CALN1: variants seen among roughly 807,000 people sequenced by gnomAD.
CALN1 encodes the protein calneuron 1, also known as calcium-binding protein 8.
Under a neutral mutation model 30.6 loss-of-function variants are expected in CALN1, and 17 were observed. The ratio of observed to expected loss-of-function variants is 0.56; its 90% CI spans 0.38 to 0.83. The LOEUF (loss-of-function observed/expected upper bound fraction) is 0.83. Among genes scored for constraint, CALN1 ranks in the 40% least tolerant of loss-of-function variants. The pLI is 0.00. For synonymous variants in CALN1, 156 were observed against 131.4 expected, an observed-to-expected ratio of 1.19 and a Z score of -1.28; for missense variants, 291 against 354.9, an observed-to-expected ratio of 0.82 and a Z score of 1.45.
chr7:72,393,880 G>C (rs1259434981), intron 2 of CALN1, among the ~76,000 whole-genome samples: 1 of 151,976 alleles, frequency 6.6e-6, no homozygotes, highest in South Asian at 2.1e-4. Flanking sequence ...ATCCTGAGTA[G>C]CTAGGATTAC....
At chr7:72,223,204 T>A (rs1793432501) in intron 3 of CALN1, among the ~76,000 whole-genome samples, 1 of 151,916 alleles carries the variant, frequency 6.6e-6, no homozygotes, top group Non-Finnish European at 1.5e-5. Flanking sequence ...AGAAGAGGGG[T>A]TCCCATTCTT....
Position 72,071,353 on chromosome 7 carries a change from C to T in CALN1, c.388+34798G>A, listed in dbSNP as rs1409831746. On this transcript the variant is annotated intron_variant, in intron 4 of 6. Coordinates refer to ENST00000395275, the MANE Select transcript of CALN1 (RefSeq NM_031468.4). ...CCCATTGTATAAGCTCCACCCCACCCCCAACCCTGCCCTGCAGCTGAAATG... is the reference window on the plus strand; with the variant it reads ...CCCATTGTATAAGCTCCACCCCACCTCCAACCCTGCCCTGCAGCTGAAATG... 2.6e-5 allele frequency among the ~76,000 whole-genome samples: 4 copies of T among 152,166 alleles called. No individual in the cohort carries two copies. The East Asian group carries it at 5.8e-4, about 22-fold the overall frequency.
intron 2 of CALN1, among the ~76,000 whole-genome samples, chr7:72,378,749 G>A (rs929075275): frequency 3.3e-5 from 5 of 150,792 alleles, no homozygotes; most frequent in East Asian, 1.9e-4. Flanking sequence ...TGTATTTTTA[G>A]TAGAGACGAA....
At chr7:72,331,299 G>A (rs1158268997) in intron 2 of CALN1, among the ~76,000 whole-genome samples, 13 of 151,870 alleles carry the variant, frequency 8.6e-5, no homozygotes, top group Non-Finnish European at 1.3e-4. Context: ...GCAGTGAGCC[G>A]AGATCACGCC....
At chr7:71,939,950 T>G (rs182546130) in intron 5 of CALN1, among the ~76,000 whole-genome samples, 13 of 152,324 alleles carry the variant, frequency 8.5e-5, no homozygotes, top group Non-Finnish European at 1.8e-4. Flanking sequence ...AGGATACGCC[T>G]TACAAACAAC....
At chr7:72,060,116 G>A (rs1410966319) in intron 4 of CALN1, among the ~76,000 whole-genome samples, 4 of 152,104 alleles carry the variant, frequency 2.6e-5, no homozygotes, top group Non-Finnish European at 4.4e-5. Flanking sequence ...TTGGCTTGAG[G>A]GGTAGGAAAA....
chr7:72,322,856 C>T (rs1800983056), intron 2 of CALN1, among the ~76,000 whole-genome samples: 2 of 151,330 alleles, frequency 1.3e-5, no homozygotes, highest in Admixed American at 1.3e-4. Flanking sequence ...ATGGATATAC[C>T]CCACTTACCC....
intron 2 of CALN1, among the ~76,000 whole-genome samples, chr7:72,356,428 T>C (rs1239889391): frequency 2.6e-5 from 4 of 151,964 alleles, no homozygotes; most frequent in African/African-American, 9.7e-5. Context: ...TCTAAGGTCC[T>C]TGCAACTTTA....
At chr7:71,920,330 CTTTTTTTT>C (rs71092931) in intron 5 of CALN1, among the ~76,000 whole-genome samples, 5 of 98,740 alleles carry the variant, frequency 5.1e-5, no homozygotes, top group South Asian at 6.9e-4. Flanking sequence ...CAAATTAGTT[CTTTTTTTT>C]TTTTTTTTTT....
intron 2 of CALN1, among the ~76,000 whole-genome samples, chr7:72,337,385 G>C (rs1802137083): frequency 6.7e-6 from 1 of 150,146 alleles, no homozygotes; most frequent in South Asian, 2.1e-4. Context: ...AGCGCAACCT[G>C]AGGAACGCCT....
chr7:72,226,812 G>T (rs966170601), intron 3 of CALN1, among the ~76,000 whole-genome samples: 1 of 152,168 alleles, frequency 6.6e-6, no homozygotes, highest in African/African-American at 2.4e-5. Flanking sequence ...GGAGGCCAAG[G>T]TGAGCAGATG....
At chr7:72,091,564 T>A (rs1024875432) in intron 4 of CALN1, among the ~76,000 whole-genome samples, 7 of 152,120 alleles carry the variant, frequency 4.6e-5, no homozygotes, top group Admixed American at 1.3e-4. Context: ...ACTAGAAAAA[T>A]TAATTCCCTA....
At chr7:72,287,783 T>C (rs1312855069) in intron 2 of CALN1, among the ~76,000 whole-genome samples, 1 of 152,108 alleles carries the variant, frequency 6.6e-6, no homozygotes, top group Non-Finnish European at 1.5e-5. Flanking sequence ...TTCCATTGTA[T>C]ATAAATTACA....
At chr7:72,305,633 A>C (rs1799595813) in intron 2 of CALN1, among the ~76,000 whole-genome samples, 2 of 152,204 alleles carry the variant, frequency 1.3e-5, no homozygotes, top group Admixed American at 1.3e-4. Context: ...ACGGGAAATA[A>C]CTGCACACTG....
intron 3 of CALN1, among the ~76,000 whole-genome samples, chr7:72,214,758 C>T (rs1293460292): frequency 6.6e-6 from 1 of 151,964 alleles, no homozygotes; most frequent in African/African-American, 2.4e-5. Flanking sequence ...ACAGCCACTC[C>T]CCGCCGCTCG....
chr7:71,805,280 G>A (rs1562794570), intron 6 of CALN1, among the ~76,000 whole-genome samples: 1 of 152,158 alleles, frequency 6.6e-6, no homozygotes, highest in Non-Finnish European at 1.5e-5. Context: ...TCTAATGAGA[G>A]CAGCAGGAAA....
chr7:72,110,035 C>T (rs1016627264), intron 3 of CALN1, among the ~76,000 whole-genome samples: 1 of 152,208 alleles, frequency 6.6e-6, no homozygotes, highest in African/African-American at 2.4e-5. Flanking sequence ...GCTCTTAGTT[C>T]TCCGGAAGGC....
At chr7:72,448,088 ACAC>A (rs1347369856), upstream of CALN1, among the ~76,000 whole-genome samples, 1 of 152,100 alleles carries the variant, frequency 6.6e-6, no homozygotes, top group East Asian at 1.9e-4. Flanking sequence ...TACCACACAC[ACAC>A]ACCTACCCAG....
intron 5 of CALN1, among the ~76,000 whole-genome samples, chr7:72,017,656 G>A (rs997175899): frequency 2.6e-5 from 4 of 152,158 alleles, no homozygotes; most frequent in South Asian, 2.1e-4. Context: ...CTTTAGCCCC[G>A]GACTCATTCC....
Sources: allele counts gnomAD v4.1 joint callset (sites outside exome capture counted in the v4.1 genomes callset), GRCh38; gene constraint gnomAD v4.1.1; transcripts MANE v1.5; gene names NCBI Gene and HGNC (gene_info 2026-07-23, HGNC 2026-07-21).